GRID1: variants seen among roughly 807,000 people sequenced by gnomAD.
The protein encoded by GRID1 is glutamate receptor ionotropic, delta-1.
GRID1 carries 28 observed loss-of-function variants against 98.0 expected under a neutral mutation model. That is an observed-to-expected ratio of 0.29 (90% CI 0.21 to 0.39). The LOEUF is 0.39. Ranked by LOEUF, GRID1 falls within the 10% of genes least tolerant of loss-of-function variation. The pLI is 1.00. For missense variants in GRID1, 1,111 were observed against 1,340.5 expected (o/e 0.83, Z 2.67); for synonymous variants, 553 against 538.5 (o/e 1.03, Z -0.37).
chr10:85,869,957 T>G (rs1210390852), intron 5 of GRID1, among the ~76,000 whole-genome samples: 1 of 152,212 alleles, frequency 6.6e-6, no homozygotes, highest in Non-Finnish European at 1.5e-5. Context: ...ACAGGAGCTC[T>G]TTCCAGAACA....
chr10:85,602,039 T>C lies in GRID1; in HGVS notation c.*234A>G. The C allele has an allele frequency of 2.3e-6, 1 of 431,434 alleles. No individual in the cohort carries two copies. The highest frequency in any genetic ancestry group is 4.1e-6 in the Non-Finnish European group (1 of 244,622). 26.7% of individuals were successfully genotyped at this position (431,434 alleles called of 1,614,324 possible). A position where few individuals can be genotyped will look rare whatever the true frequency, so the allele number is the denominator to read the frequency against. Reference sequence around the variant, plus strand: ...TTCATATAGAACAAAATTTACAAAGTCATTCATACAGTTTTTGTGTTTTTT... The same window carrying C: ...TTCATATAGAACAAAATTTACAAAGCCATTCATACAGTTTTTGTGTTTTTT... On this transcript the variant is annotated 3_prime_UTR_variant, in exon 16 of 16. Transcript: ENST00000327946.
chr10:85,751,383 AG>A (rs1433101756), intron 8 of GRID1, among the ~76,000 whole-genome samples: 1 of 152,218 alleles, frequency 6.6e-6, no homozygotes, highest in Non-Finnish European at 1.5e-5. Flanking sequence ...CAGGAGACAA[AG>A]GTGATATTAG....
intron 2 of GRID1, among the ~76,000 whole-genome samples, chr10:86,351,178 C>T (rs1056356056): frequency 6.6e-6 from 1 of 152,242 alleles, no homozygotes; most frequent in East Asian, 1.9e-4. Flanking sequence ...GAGGCTTCTA[C>T]AATGAAAGGA....
intron 5 of GRID1, 69 bp from the exon 6 acceptor site, chr10:85,869,249 G>T: frequency 7.2e-7 from 1 of 1,384,550 alleles, no homozygotes; most frequent in South Asian, 1.2e-5. Flanking sequence ...CCTATCAGGA[G>T]GCATCTAGGC....
chr10:85,788,062 AAAAG>A (rs960041962), intron 8 of GRID1, among the ~76,000 whole-genome samples: 8 of 144,100 alleles, frequency 5.6e-5, no homozygotes, highest in Admixed American at 1.4e-4. Context: ...CACAAAAAAA[AAAAG>A]AAAAGAAAAG....
chr10:86,109,806 T>A (rs1377163848), intron 4 of GRID1, among the ~76,000 whole-genome samples: 1 of 152,148 alleles, frequency 6.6e-6, no homozygotes. Context: ...TTTCAAGAGC[T>A]GGAACTCTAG....
At chr10:86,323,561 G>T (rs572431066) in intron 2 of GRID1, among the ~76,000 whole-genome samples, 12 of 152,338 alleles carry the variant, frequency 7.9e-5, no homozygotes, top group African/African-American at 2.9e-4. Context: ...CTCTTGGAAA[G>T]AATTACCAAA....
chr10:86,312,530 A>C (rs2132089298), intron 2 of GRID1, among the ~76,000 whole-genome samples: 1 of 152,266 alleles, frequency 6.6e-6, no homozygotes, highest in Middle Eastern at 3.4e-3. Flanking sequence ...GTCCATGGAG[A>C]GGCCCATCTT....
At chr10:85,710,149 G>A (rs1379908160) in intron 12 of GRID1, among the ~76,000 whole-genome samples, 1 of 151,860 alleles carries the variant, frequency 6.6e-6, no homozygotes, top group East Asian at 1.9e-4. Context: ...AGATTTCAAG[G>A]GACCCCCAAA....
Position 85,602,853 on chromosome 10 carries a change from T to TTATA in GRID1, c.2602-156_2602-153dup, listed in dbSNP as rs3082480. On this transcript the variant is annotated intron_variant, in intron 15 of 15. Transcript: ENST00000327946. ...TCATGTGGCTCCCACCTCCCCTCAATTATATGGCCAACCCTCAGTTATCTG... is the reference window on the plus strand; with the variant it reads ...TCATGTGGCTCCCACCTCCCCTCAATTATATATATGGCCAACCCTCAGTTATCTG... 3.1e-3 allele frequency: 1,913 copies of TTATA among 612,520 alleles called. 34 individuals carry two copies. In the African/African-American group the frequency reaches 0.032, roughly 10 times the overall value. 37.9% of individuals were successfully genotyped at this position (612,520 alleles called of 1,614,324 possible). A position where few individuals can be genotyped will look rare whatever the true frequency, so the allele number is the denominator to read the frequency against.
At chr10:85,734,975 C>T (rs2132664931) in intron 8 of GRID1, among the ~76,000 whole-genome samples, 1 of 152,320 alleles carries the variant, frequency 6.6e-6, no homozygotes, top group African/African-American at 2.4e-5. Flanking sequence ...GCGCTCGCCA[C>T]TCTGAATGCT....
In GRID1 at chr10:85,936,578, T is replaced by C. The variant is rs141495015; in HGVS notation, c.727-20339A>G. 2.4e-3 allele frequency among the ~76,000 whole-genome samples: 368 copies of C among 152,210 alleles called. 2 individuals carry two copies. The highest frequency in any genetic ancestry group is 4.1e-3 in the Non-Finnish European group (280 of 68,016). ...CTCACTCCCAATGGACTGGCATTCT[T>C]CCTTATAGTAAGCATTGAGGGTCAT... is the stretch of plus-strand genomic sequence containing the variant. On this transcript the variant is annotated intron_variant, in intron 4 of 15. Transcript: ENST00000327946.
At chr10:86,089,336 C>G (rs1159480821) in intron 4 of GRID1, among the ~76,000 whole-genome samples, 1 of 152,156 alleles carries the variant, frequency 6.6e-6, no homozygotes, top group Non-Finnish European at 1.5e-5. Context: ...ACAGAACCTC[C>G]ACCTCAGGTT....
chr10:86,230,423 A>C (rs1846432402), intron 2 of GRID1, among the ~76,000 whole-genome samples: 1 of 152,172 alleles, frequency 6.6e-6, no homozygotes, highest in Non-Finnish European at 1.5e-5. Flanking sequence ...CGGAGCTGGA[A>C]GTCTCACCCC....
chr10:86,161,351 A>G (rs1347402152), intron 3 of GRID1, among the ~76,000 whole-genome samples: 1 of 151,960 alleles, frequency 6.6e-6, no homozygotes, highest in African/African-American at 2.4e-5. Context: ...GCACTTGGAG[A>G]GTGACTCAGC....
At chr10:86,098,714 T>A (rs1447528813) in intron 4 of GRID1, among the ~76,000 whole-genome samples, 1 of 152,238 alleles carries the variant, frequency 6.6e-6, no homozygotes, top group Admixed American at 6.5e-5. Flanking sequence ...AAAAACGGCA[T>A]CCTGTTTTAA....
chr10:85,910,561 G>C (rs999336426), intron 5 of GRID1, among the ~76,000 whole-genome samples: 1 of 152,168 alleles, frequency 6.6e-6, no homozygotes, highest in Non-Finnish European at 1.5e-5. Flanking sequence ...TAAGTGATAA[G>C]ATGGGGGCTG....
intron 2 of GRID1, among the ~76,000 whole-genome samples, chr10:86,235,545 A>C (rs549191133): frequency 6.6e-5 from 10 of 152,164 alleles, no homozygotes; most frequent in Non-Finnish European, 1.3e-4. Context: ...TTTACAGTCA[A>C]TCTCTGCTTC....
At chr10:86,286,503 CCCA>C (rs1430240832) in intron 2 of GRID1, among the ~76,000 whole-genome samples, 2 of 152,226 alleles carry the variant, frequency 1.3e-5, no homozygotes, top group Non-Finnish European at 2.9e-5. Flanking sequence ...CCTGCGTCCT[CCCA>C]CGAGTGAGGC....
Sources: allele counts gnomAD v4.1 joint callset (sites outside exome capture counted in the v4.1 genomes callset), GRCh38; gene constraint gnomAD v4.1.1; transcripts MANE v1.5; gene names NCBI Gene and HGNC (gene_info 2026-07-23, HGNC 2026-07-21).